Variants in NALF1 observed in about 807,000 individuals in gnomAD.
The protein encoded by NALF1 is NALCN channel auxiliary factor 1.
NALF1 carries 3 observed loss-of-function variants against 48.4 expected under a neutral mutation model. The ratio of observed to expected loss-of-function variants is 0.06; its 90% CI spans 0.03 to 0.16. NALF1 has a LOEUF of 0.16. NALF1 is among the 10% of genes least tolerant of loss of function. The pLI is 1.00. For synonymous variants in NALF1, 262 were observed against 245.7 expected (o/e 1.07, Z -0.62); for missense variants, 526 against 571.5 (o/e 0.92, Z 0.81).
chr13:107,682,175 C>T (rs537612779), intron 1 of NALF1, among the ~76,000 whole-genome samples: 23 of 152,336 alleles, frequency 1.5e-4, no homozygotes, highest in Non-Finnish European at 3.1e-4. Context: ...ATTGATTCCT[C>T]TAACCCTCTA....
In NALF1 at chr13:107,776,679, A is replaced by G. The variant is rs548890325; in HGVS notation, c.915+89003T>C. Among the ~76,000 whole-genome samples the G allele has an allele frequency of 1.2e-4, 18 of 152,384 alleles. No homozygotes were observed. In the East Asian group the frequency reaches 1.9e-3, roughly 16 times the overall value. ...AGTAGGAAACAATTGCCTTAAGAAC[A>G]TGACAGATTTTAGGATGTACAAAAA... On this transcript the variant is annotated intron_variant, in intron 1 of 2. Coordinates refer to ENST00000375915, the MANE Select transcript of NALF1 (RefSeq NM_001080396.3).
chr13:107,770,101 G>C (rs1485190347), intron 1 of NALF1, among the ~76,000 whole-genome samples: 1 of 152,056 alleles, frequency 6.6e-6, no homozygotes, highest in Admixed American at 6.5e-5. Flanking sequence ...TTTTAGTAGA[G>C]ACGGGGTTTC....
intron 1 of NALF1, among the ~76,000 whole-genome samples, chr13:107,509,742 A>G (rs1875818401): frequency 6.6e-6 from 1 of 152,178 alleles, no homozygotes; most frequent in South Asian, 2.1e-4. Context: ...AGGCTTTCAA[A>G]TAGACTCTCC....
intron 1 of NALF1, among the ~76,000 whole-genome samples, chr13:107,850,694 G>C (rs1188426561): frequency 6.6e-6 from 1 of 152,166 alleles, no homozygotes; most frequent in African/African-American, 2.4e-5. Context: ...CCTGAGGTCA[G>C]GAGTTCAATA....
chr13:107,704,173 T>C (rs1310230742), intron 1 of NALF1, among the ~76,000 whole-genome samples: 1 of 152,214 alleles, frequency 6.6e-6, no homozygotes, highest in Non-Finnish European at 1.5e-5. Flanking sequence ...TAAAATTTTA[T>C]TTTAGTGTAC....
intron 1 of NALF1, among the ~76,000 whole-genome samples, chr13:107,373,391 A>G (rs1883281019): frequency 6.6e-6 from 1 of 152,156 alleles, no homozygotes; most frequent in Admixed American, 6.5e-5. Flanking sequence ...CTAACATGGA[A>G]TGGATCAGAG....
At position 107,619,983 on chromosome 13, in the gene NALF1, G is replaced by A. The variant is rs139261932; in HGVS notation, c.915+245699C>T. ...ATAGATTAGGAGTGGAAAGAAACAG[G>A]TGTCCTCTTTTTTGTGTGTTCATTA... On this transcript the variant is annotated intron_variant, in intron 1 of 2. Transcript: ENST00000375915. Among the ~76,000 whole-genome samples the A allele has an allele frequency of 1.1e-4, 16 of 152,254 alleles. No individual in the cohort carries two copies. In the East Asian group the frequency reaches 2.9e-3, roughly 28 times the overall value.
chr13:107,473,852 T>A (rs1242290484), intron 1 of NALF1, among the ~76,000 whole-genome samples: 1 of 152,164 alleles, frequency 6.6e-6, no homozygotes, highest in Non-Finnish European at 1.5e-5. Flanking sequence ...ACCATCTGGT[T>A]TCAGTGGCTG....
intron 1 of NALF1, among the ~76,000 whole-genome samples, chr13:107,290,217 A>T (rs9558998): frequency 0.45 from 66,927 of 149,820 alleles, 15,505 homozygotes; most frequent in African/African-American, 0.53. Context: ...ACATTTTGCC[A>T]CAAATTATGT....
intron 1 of NALF1, among the ~76,000 whole-genome samples, chr13:107,670,979 T>C (rs1240049735): frequency 1.3e-5 from 2 of 152,104 alleles, no homozygotes; most frequent in Non-Finnish European, 2.9e-5. Flanking sequence ...ATTTCCCAGC[T>C]CTGTTGATTT....
At chr13:107,236,715 A>G (rs1205544183) in intron 1 of NALF1, among the ~76,000 whole-genome samples, 1 of 149,462 alleles carries the variant, frequency 6.7e-6, no homozygotes, top group East Asian at 2.0e-4. Flanking sequence ...CTATCTATCT[A>G]TCTATCTATC....
intron 1 of NALF1, among the ~76,000 whole-genome samples, chr13:107,369,046 TTG>T (rs554918571): frequency 1.4e-3 from 219 of 152,294 alleles, no homozygotes; most frequent in African/African-American, 5.1e-3. Flanking sequence ...CTTCTGCTCA[TTG>T]TGTGTCAAAA....
intron 2 of NALF1, among the ~76,000 whole-genome samples, chr13:107,205,221 T>C (rs1334540167): frequency 2.6e-5 from 4 of 151,430 alleles, no homozygotes; most frequent in African/African-American, 4.9e-5. Flanking sequence ...TGTGATCTCA[T>C]TGTTCAATTC....
At chr13:107,714,870 C>A (rs1234941191) in intron 1 of NALF1, among the ~76,000 whole-genome samples, 1 of 152,066 alleles carries the variant, frequency 6.6e-6, no homozygotes, top group East Asian at 1.9e-4. Context: ...GAAAAATTAA[C>A]CAGGTTATAC....
At chr13:107,664,408 T>A (rs2138479971) in intron 1 of NALF1, among the ~76,000 whole-genome samples, 1 of 152,282 alleles carries the variant, frequency 6.6e-6, no homozygotes, top group East Asian at 1.9e-4. Context: ...TACGCTTTCC[T>A]CAGTCTATTT....
intron 1 of NALF1, among the ~76,000 whole-genome samples, chr13:107,631,321 G>A (rs541626106): frequency 6.6e-6 from 1 of 152,248 alleles, no homozygotes; most frequent in South Asian, 2.1e-4. Flanking sequence ...TTATGCACAT[G>A]CCTTCCGACT....
chr13:107,452,231 T>C (rs894855495), intron 1 of NALF1, among the ~76,000 whole-genome samples: 5 of 152,186 alleles, frequency 3.3e-5, no homozygotes, highest in Non-Finnish European at 7.3e-5. Flanking sequence ...TGGTGATCCA[T>C]AGGCACATGG....
At chr13:107,641,598 A>G (rs1410121461) in intron 1 of NALF1, among the ~76,000 whole-genome samples, 1 of 152,214 alleles carries the variant, frequency 6.6e-6, no homozygotes, top group East Asian at 1.9e-4. Flanking sequence ...TAAAAATAAT[A>G]GTAACATCAA....
intron 1 of NALF1, among the ~76,000 whole-genome samples, chr13:107,594,388 T>C (rs1179982442): frequency 6.6e-6 from 1 of 152,020 alleles, no homozygotes; most frequent in African/African-American, 2.4e-5. Context: ...AGTCAATTAG[T>C]TTGCACAATC....
Sources: allele counts gnomAD v4.1 joint callset (sites outside exome capture counted in the v4.1 genomes callset), GRCh38; gene constraint gnomAD v4.1.1; transcripts MANE v1.5; gene names NCBI Gene and HGNC (gene_info 2026-07-23, HGNC 2026-07-21).